The following PFKFB3 variants were observed in gnomAD, a reference collection of about 807,000 sequenced individuals.
PFKFB3 encodes the protein 6-phosphofructo-2-kinase/fructose-2,6-biphosphatase 3, also known as 6-phosphofructo-2-kinase/fructose-2,6-bisphosphatase 3.
In PFKFB3, 33 loss-of-function variants were observed where a neutral mutation model predicts 68.0. The ratio of observed to expected loss-of-function variants is 0.49; its 90% CI spans 0.37 to 0.65. PFKFB3 has a LOEUF of 0.65. Among genes scored for constraint, PFKFB3 ranks in the 30% least tolerant of loss-of-function variants. PFKFB3 has a pLI of 0.00. For missense variants in PFKFB3, 586 were observed against 712.2 expected (o/e 0.82, Z 2.02); for synonymous variants, 315 against 288.2 (o/e 1.09, Z -0.94).
At chr10:6,232,737 C>G (rs562467431) in intron 14 of PFKFB3, among the ~76,000 whole-genome samples, 158 bp from the exon 15 acceptor site, 1 of 152,200 alleles carries the variant, frequency 6.6e-6, no homozygotes, top group Non-Finnish European at 1.5e-5. Flanking sequence ...GGCTCTCTCC[C>G]GCCTGTGAGG....
the PFKFB3 span, among the ~76,000 whole-genome samples, chr10:6,281,477 A>G: frequency 6.6e-6 from 1 of 152,114 alleles, no homozygotes; most frequent in Non-Finnish European, 1.5e-5. Context: ...CATTGGTAGA[A>G]GAAGAGAATA....
the PFKFB3 span, among the ~76,000 whole-genome samples, chr10:6,304,481 G>A: frequency 1.3e-5 from 2 of 149,240 alleles, no homozygotes; most frequent in Admixed American, 1.4e-4. Flanking sequence ...GACATTAAAT[G>A]TATCTAGTAT....
the PFKFB3 span, among the ~76,000 whole-genome samples, chr10:6,308,380 G>T: frequency 2.6e-5 from 4 of 152,204 alleles, no homozygotes; most frequent in Non-Finnish European, 5.9e-5. Context: ...GGGCATGGTG[G>T]TGGTCTGTGC....
At chr10:6,292,154 A>G in the PFKFB3 span, among the ~76,000 whole-genome samples, 1 of 148,976 alleles carries the variant, frequency 6.7e-6, no homozygotes, top group South Asian at 2.1e-4. Context: ...GGTTTTCACC[A>G]TGTTGGCCAG....
chr10:6,305,185 ATTTTTTT>A, the PFKFB3 span, among the ~76,000 whole-genome samples: 1 of 99,410 alleles, frequency 1.0e-5, no homozygotes, highest in Non-Finnish European at 2.0e-5. Flanking sequence ...AATATTAGGA[ATTTTTTT>A]TTTTTTTTTT....
the PFKFB3 span, among the ~76,000 whole-genome samples, chr10:6,270,245 A>G: frequency 6.6e-6 from 1 of 152,198 alleles, no homozygotes; most frequent in Non-Finnish European, 1.5e-5. Context: ...CTGGTGAGCT[A>G]CGACCCGGAA....
chr10:6,275,671 G>A, the PFKFB3 span, among the ~76,000 whole-genome samples: 1 of 152,160 alleles, frequency 6.6e-6, no homozygotes, highest in Non-Finnish European at 1.5e-5. The surrounding 1 kb of genome is among the most constrained non-coding windows in gnomAD (Gnocchi z 4.9). Flanking sequence ...CACCCAGGCT[G>A]GAGTGTAGTG....
Position 6,220,571 on chromosome 10 carries a change from T to C in PFKFB3, c.624-87T>C. On this transcript the variant is annotated intron_variant, in intron 7 of 14. Transcript: ENST00000379775. The surrounding 1 kb of genome is among the most constrained non-coding windows in gnomAD (Gnocchi z 4.1). ...CCTACGGTCCCGCCTTGCTGTTCTC[T>C]GGGGATCACATCTTCGGAGACGGGC... The C allele has an allele frequency of 8.0e-7, 1 of 1,246,748 alleles. No homozygotes were observed. Among genetic ancestry groups the C allele is most frequent in the Non-Finnish European group, 1.2e-6 (1 of 858,000 alleles). The allele number at this position is 1,246,748 out of a possible 1,614,324, so 77.2% of individuals were successfully genotyped here.
the PFKFB3 span, among the ~76,000 whole-genome samples, chr10:6,285,354 C>T: frequency 6.6e-6 from 1 of 152,048 alleles, no homozygotes; most frequent in Non-Finnish European, 1.5e-5. Flanking sequence ...CTGCCTCAGC[C>T]TCCTGAATAG....
At chr10:6,161,753 C>G (rs1321988360) in intron 1 of PFKFB3, among the ~76,000 whole-genome samples, 1 of 152,170 alleles carries the variant, frequency 6.6e-6, no homozygotes, top group Non-Finnish European at 1.5e-5. Context: ...CCACCTCAGC[C>G]TCCCGAGTGG....
chr10:6,260,347 G>A, the PFKFB3 span, among the ~76,000 whole-genome samples: 1 of 150,254 alleles, frequency 6.7e-6, no homozygotes, highest in East Asian at 2.0e-4. Flanking sequence ...CCGGGAGGCA[G>A]AGATTGCAGT....
chr10:6,307,088 C>T, the PFKFB3 span, among the ~76,000 whole-genome samples: 15 of 152,102 alleles, frequency 9.9e-5, no homozygotes, highest in African/African-American at 3.6e-4. Flanking sequence ...ACTGACCTCC[C>T]CTGAGCAAGA....
chr10:6,258,137 A>C (rs993244561), downstream of PFKFB3, among the ~76,000 whole-genome samples: 13 of 152,240 alleles, frequency 8.5e-5, no homozygotes, highest in African/African-American at 2.9e-4. Flanking sequence ...CATGGTAAGC[A>C]CTGAGTGAGA....
chr10:6,184,800 G>C (rs565783585), intron 1 of PFKFB3, among the ~76,000 whole-genome samples: 1 of 141,426 alleles, frequency 7.1e-6, no homozygotes, highest in African/African-American at 2.6e-5. Context: ...AAGAGAGCGT[G>C]TTTAGCTGTG....
At chr10:6,216,633 C>T in intron 4 of PFKFB3, 73 bp from the exon 5 acceptor site, 4 of 1,048,200 alleles carry the variant, frequency 3.8e-6, no homozygotes, top group South Asian at 1.3e-5. Context: ...GGTCTGGCAT[C>T]TTTGCTGTTC....
intron 1 of PFKFB3, among the ~76,000 whole-genome samples, chr10:6,187,187 C>A (rs1197482581): frequency 2.1e-5 from 3 of 140,266 alleles, no homozygotes; most frequent in Non-Finnish European, 4.8e-5. Flanking sequence ...ATGGTGAATC[C>A]CTGTTTCTAC....
At chr10:6,230,142 T>G (rs1337682509) in intron 14 of PFKFB3, among the ~76,000 whole-genome samples, 1 of 152,158 alleles carries the variant, frequency 6.6e-6, no homozygotes, top group Non-Finnish European at 1.5e-5. Context: ...AACATAATAG[T>G]GCGTTTGCTA....
At chr10:6,276,394 GA>G in the PFKFB3 span, among the ~76,000 whole-genome samples, 1,270 of 140,784 alleles carry the variant, frequency 9.0e-3, 14 homozygotes, top group African/African-American at 0.029. Context: ...CCATGCTTCA[GA>G]AAAAAAAAAA....
At chr10:6,147,457 A>G (rs1841429528) in intron 1 of PFKFB3, among the ~76,000 whole-genome samples, 1 of 152,148 alleles carries the variant, frequency 6.6e-6, no homozygotes, top group African/African-American at 2.4e-5. Flanking sequence ...AGACTTTGGG[A>G]TCAGCTCCGT....
Sources: allele counts gnomAD v4.1 joint callset (sites outside exome capture counted in the v4.1 genomes callset), GRCh38; gene constraint gnomAD v4.1.1; non-coding constraint Gnocchi (gnomAD v3.1); transcripts MANE v1.5; gene names NCBI Gene and HGNC (gene_info 2026-07-23, HGNC 2026-07-21).